Variants in SPIDR observed in about 807,000 individuals in gnomAD.
The protein encoded by SPIDR is DNA repair-scaffolding protein.
A neutral mutation model predicts 104.6 loss-of-function variants in SPIDR; 93 were observed. The observed-to-expected ratio is 0.89, with a 90% CI of 0.75 to 1.06. The LOEUF is 1.06. SPIDR is among the 50% of genes least tolerant of loss of function. The probability of loss-of-function intolerance (pLI) is 0.00; values close to 1 mark genes in which losing one functional copy is unlikely to be tolerated. For missense variants in SPIDR, 1,154 were observed against 1,111.2 expected (o/e 1.04, Z -0.55); for synonymous variants, 431 against 416.9 (o/e 1.03, Z -0.41).
At chr8:47,606,167 C>T (rs1417059267) in intron 10 of SPIDR, among the ~76,000 whole-genome samples, 3 of 152,112 alleles carry the variant, frequency 2.0e-5, no homozygotes, top group Non-Finnish European at 4.4e-5. Flanking sequence ...ATGCTGGGGC[C>T]AGTGTTGAAT....
chr8:47,681,970 T>A (rs896683050), intron 11 of SPIDR, among the ~76,000 whole-genome samples: 1 of 152,044 alleles, frequency 6.6e-6, no homozygotes, highest in Non-Finnish European at 1.5e-5. Context: ...CTTCAGTGAT[T>A]TAATTAAGGA....
chr8:47,390,306 TATAGTACACAC>T (rs1554650986), intron 5 of SPIDR, among the ~76,000 whole-genome samples: 1 of 152,040 alleles, frequency 6.6e-6, no homozygotes, highest in Non-Finnish European at 1.5e-5. Flanking sequence ...GTGAAACAAG[TATAGTACACAC>T]ATGTTACAGT....
At chr8:47,330,395 G>T (rs1183879205) in intron 5 of SPIDR, among the ~76,000 whole-genome samples, 4 of 152,076 alleles carry the variant, frequency 2.6e-5, no homozygotes, top group Non-Finnish European at 5.9e-5. Context: ...TTCTATCAGG[G>T]TTAATTCTTG....
chr8:47,702,095 TCTTACAC>T (rs2080338199), intron 14 of SPIDR, 80 bp downstream of exon 14: 2 of 74,360 alleles, frequency 2.7e-5, no homozygotes, highest in African/African-American at 1.2e-4. Flanking sequence ...TCTCTCTCTC[TCTTACAC>T]ACACACACAC....
At chr8:47,392,895 A>G (rs931596366) in intron 5 of SPIDR, among the ~76,000 whole-genome samples, 8 of 152,210 alleles carry the variant, frequency 5.3e-5, no homozygotes, top group African/African-American at 1.9e-4. Flanking sequence ...GATTTATTGT[A>G]TCTGTACAAT....
intron 6 of SPIDR, among the ~76,000 whole-genome samples, chr8:47,402,410 A>G (rs1461165626): frequency 2.6e-5 from 4 of 152,232 alleles, no homozygotes; most frequent in African/African-American, 7.2e-5. Context: ...CAGTGAATCC[A>G]GGAGCTGGTT....
chr8:47,721,487 T>TG (rs1283433300), intron 16 of SPIDR, among the ~76,000 whole-genome samples: 1 of 152,150 alleles, frequency 6.6e-6, no homozygotes, highest in Non-Finnish European at 1.5e-5. Flanking sequence ...TTTTTTTTTT[T>TG]TTGAGACAGA....
chr8:47,446,802 G>C (rs1248459237), intron 8 of SPIDR, among the ~76,000 whole-genome samples: 8 of 152,102 alleles, frequency 5.3e-5, no homozygotes, highest in African/African-American at 1.9e-4. Flanking sequence ...GGTCAGGCTG[G>C]TCTGGAACTC....
At chr8:47,444,928 A>G (rs887617661) in intron 8 of SPIDR, among the ~76,000 whole-genome samples, 21 of 152,194 alleles carry the variant, frequency 1.4e-4, no homozygotes, top group Admixed American at 6.5e-4. Context: ...ATATTGTTAT[A>G]TATGTAGTTT....
intron 8 of SPIDR, among the ~76,000 whole-genome samples, chr8:47,541,881 AGATTGC>A (rs1408858844): frequency 6.6e-6 from 1 of 152,154 alleles, no homozygotes; most frequent in Non-Finnish European, 1.5e-5. Flanking sequence ...CAGTGAGCCG[AGATTGC>A]GCCACTGCAC....
intron 7 of SPIDR, among the ~76,000 whole-genome samples, chr8:47,430,573 G>A (rs1259138879): frequency 3.3e-5 from 5 of 152,108 alleles, no homozygotes; most frequent in African/African-American, 1.2e-4. Flanking sequence ...TTGGCCTCAT[G>A]GTAGAGAGGC....
chr8:47,570,951 TGTA>T (rs1193749027), intron 8 of SPIDR, among the ~76,000 whole-genome samples: 1 of 151,586 alleles, frequency 6.6e-6, no homozygotes, highest in African/African-American at 2.4e-5. Context: ...ATTAGCCAGG[TGTA>T]GTGGTGGGCG....
chr8:47,350,810 C>T (rs1332965438), intron 5 of SPIDR, among the ~76,000 whole-genome samples: 2 of 152,160 alleles, frequency 1.3e-5, no homozygotes, highest in Admixed American at 1.3e-4. Context: ...ACACAGTAAT[C>T]CCCCCTTTAT....
intron 10 of SPIDR, among the ~76,000 whole-genome samples, chr8:47,601,605 A>T (rs558282371): frequency 4.3e-4 from 66 of 152,288 alleles, no homozygotes; most frequent in Non-Finnish European, 7.8e-4. Flanking sequence ...GAGGCAGAAG[A>T]ATCGCTTAAA....
intron 5 of SPIDR, among the ~76,000 whole-genome samples, chr8:47,338,066 C>G (rs1407342509): frequency 2.6e-5 from 4 of 152,024 alleles, no homozygotes; most frequent in Non-Finnish European, 5.9e-5. Context: ...TCTTCTTATT[C>G]TTTTGTGTCT....
At chr8:47,375,300 G>A (rs1490868194) in intron 5 of SPIDR, among the ~76,000 whole-genome samples, 1 of 123,934 alleles carries the variant, frequency 8.1e-6, no homozygotes, top group Non-Finnish European at 1.6e-5. Context: ...GGAGTGCAGT[G>A]GTTCAATCGT....
intron 8 of SPIDR, among the ~76,000 whole-genome samples, chr8:47,446,818 C>A (rs550384153): frequency 1.5e-4 from 23 of 152,260 alleles, no homozygotes; most frequent in African/African-American, 5.5e-4. Flanking sequence ...AACTCGTGAC[C>A]TCGTGATCCA....
At chr8:47,648,910 T>C (rs767082315) in intron 10 of SPIDR, among the ~76,000 whole-genome samples, 7 of 152,162 alleles carry the variant, frequency 4.6e-5, no homozygotes, top group Non-Finnish European at 7.4e-5. Context: ...GGAAATTTGA[T>C]AAGGAATAGG....
intron 8 of SPIDR, among the ~76,000 whole-genome samples, chr8:47,578,853 T>A (rs1344135830): frequency 1.3e-5 from 2 of 152,210 alleles, no homozygotes; most frequent in Non-Finnish European, 2.9e-5. Flanking sequence ...GCCAGTCTTT[T>A]ATAGTCAATA....
Sources: allele counts gnomAD v4.1 joint callset (sites outside exome capture counted in the v4.1 genomes callset), GRCh38; gene constraint gnomAD v4.1.1; transcripts MANE v1.5; gene names NCBI Gene and HGNC (gene_info 2026-07-23, HGNC 2026-07-21).